Variants in TET3 observed in about 807,000 individuals in gnomAD.
TET3 encodes methylcytosine dioxygenase TET3.
Under a neutral mutation model 141.4 loss-of-function variants are expected in TET3, and 19 were observed. The ratio of observed to expected loss-of-function variants is 0.13; its 90% CI spans 0.09 to 0.20. The LOEUF is 0.20. Ranked by LOEUF, TET3 falls within the 10% of genes least tolerant of loss-of-function variation. The pLI is 1.00. For synonymous variants in TET3, 1,043 were observed against 980.9 expected (o/e 1.06, Z -1.18); for missense variants, 1,874 against 2,356.9 (o/e 0.80, Z 4.24).
intron 3 of TET3, among the ~76,000 whole-genome samples, chr2:74,017,609 A>G (rs2105224729): frequency 6.6e-6 from 1 of 152,200 alleles, no homozygotes; most frequent in South Asian, 2.1e-4. Context: ...GTATTCCATT[A>G]TGTGCACGTA....
At chr2:74,073,376 A>C (rs1223251730) in intron 4 of TET3, among the ~76,000 whole-genome samples, 173 bp from the exon 5 acceptor site, 1 of 152,076 alleles carries the variant, frequency 6.6e-6, no homozygotes, top group Non-Finnish European at 1.5e-5. Flanking sequence ...TTGTGATTTT[A>C]ATTTGTATTT....
At chr2:74,079,827 C>A (rs1184606312) in intron 5 of TET3, among the ~76,000 whole-genome samples, 1 of 152,154 alleles carries the variant, frequency 6.6e-6, no homozygotes, top group Admixed American at 6.5e-5. Flanking sequence ...TAAGTCAGTT[C>A]AACTCCAGGG....
chr2:74,123,449 T>G, the TET3 span, among the ~76,000 whole-genome samples: 1 of 152,202 alleles, frequency 6.6e-6, no homozygotes, highest in African/African-American at 2.4e-5. Flanking sequence ...AAACCCTGTC[T>G]CTACTAAAAA....
At chr2:74,080,829 A>C (rs1689775044) in intron 6 of TET3, among the ~76,000 whole-genome samples, 1 of 152,142 alleles carries the variant, frequency 6.6e-6, no homozygotes, top group South Asian at 2.1e-4. Context: ...TCTTGTTTAA[A>C]TGCCAGTCCC....
intron 3 of TET3, among the ~76,000 whole-genome samples, chr2:74,031,503 G>A (rs548806842): frequency 3.3e-5 from 5 of 152,266 alleles, no homozygotes; most frequent in African/African-American, 7.2e-5. Flanking sequence ...GCTAATAAAC[G>A]AGTAGTGACT....
In TET3 at chr2:74,046,083, T is replaced by A. The variant is rs1687602575; in HGVS notation, c.361-195T>A. Among the ~76,000 whole-genome samples the A allele has an allele frequency of 6.6e-6, 1 of 152,170 alleles. No homozygotes were observed. The highest frequency in any genetic ancestry group is 1.5e-5 in the Non-Finnish European group (1 of 68,038). On this transcript the variant is annotated intron_variant, in intron 3 of 11. Transcript: ENST00000409262. The surrounding 1 kb of genome is among the most constrained non-coding windows in gnomAD (Gnocchi z 4.3). ...TTTAAAAATATCTTAAAGATCTTCT[T>A]TTTGTTTCTGCTGGTGAAGCTCCCT...
At chr2:74,073,713 T>C in intron 5 of TET3, 74 bp downstream of exon 5, 1 of 1,289,500 alleles carries the variant, frequency 7.8e-7, no homozygotes, top group East Asian at 2.6e-5. Context: ...CGCCTCTCAT[T>C]TTTCTTTGCC....
In TET3 at chr2:74,101,594, G is replaced by A. The variant is rs1306151124; in HGVS notation, c.4806G>A (p.Leu1602=). The A allele has an allele frequency of 6.2e-7, 1 of 1,610,646 alleles. No homozygotes were observed. Among genetic ancestry groups the A allele is most frequent in the African/African-American group, 1.3e-5 (1 of 74,886 alleles). Residue 1602 remains leucine, a synonymous_variant, in exon 12 of 12, where the codon CTG becomes CTA. Coordinates refer to ENST00000409262, the MANE Select transcript of TET3 (RefSeq NM_001287491.2). The surrounding 1 kb of genome is among the most constrained non-coding windows in gnomAD (Gnocchi z 8.5). ...LFGALKSEEK[L]WDPFSLEEGP... ...GGGCTCTGAAGTCAGAGGAGAAGCT[G>A]TGGGACCCCTTCAGCCTGGAGGAGG...
At chr2:74,114,839 G>A in the TET3 span, among the ~76,000 whole-genome samples, 1 of 59,270 alleles carries the variant, frequency 1.7e-5, no homozygotes, top group Non-Finnish European at 2.9e-5. Context: ...GGGTGACAGA[G>A]AGAGACTCTG....
intron 3 of TET3, among the ~76,000 whole-genome samples, chr2:74,026,402 G>A (rs1686360746): frequency 6.6e-6 from 1 of 152,170 alleles, no homozygotes; most frequent in South Asian, 2.1e-4. Flanking sequence ...AGTGGCCGGG[G>A]ATTGTTAATC....
intron 3 of TET3, among the ~76,000 whole-genome samples, chr2:74,020,710 A>T (rs1452864091): frequency 6.6e-6 from 1 of 152,222 alleles, no homozygotes; most frequent in Non-Finnish European, 1.5e-5. Context: ...CAAGGGCTTG[A>T]GGGCTATGCC....
In TET3 at chr2:74,047,409, T is replaced by A. The variant is rs758015749; in HGVS notation, c.1492T>A (p.Ser498Thr). The A allele has an allele frequency of 5.0e-6, 8 of 1,612,776 alleles. No individual in the cohort carries two copies. Among genetic ancestry groups the A allele is most frequent in the Non-Finnish European group, 6.8e-6 (8 of 1,179,718 alleles). The change falls in exon 4 of 12, where the codon TCC becomes ACC. Residue 498 changes from serine to threonine, a missense_variant. Transcript: ENST00000409262. Reference sequence around the variant, plus strand: ...GGTCAAGGTGGAGGCACCCTCTTCCTCCCCGGCCCCGGCCCCATCCCCTGT... The same window carrying A: ...GGTCAAGGTGGAGGCACCCTCTTCCACCCCGGCCCCGGCCCCATCCCCTGT... ...PKVKVEAPSS[S>T]PAPAPSPVLQ... is the part of the protein sequence containing the mutation.
chr2:74,014,288 C>G (rs1369930470), intron 3 of TET3, among the ~76,000 whole-genome samples: 1 of 152,174 alleles, frequency 6.6e-6, no homozygotes. Context: ...CCAAGTTCCA[C>G]TGTGGCCTAA....
At chr2:74,039,175 C>T (rs751949255) in intron 3 of TET3, among the ~76,000 whole-genome samples, 1 of 152,182 alleles carries the variant, frequency 6.6e-6, no homozygotes, top group African/African-American at 2.4e-5. Context: ...CCTGCCTTTG[C>T]GATCAAGATA....
At chr2:74,059,826 T>C (rs1390959292) in intron 4 of TET3, among the ~76,000 whole-genome samples, 2 of 152,216 alleles carry the variant, frequency 1.3e-5, no homozygotes, top group Non-Finnish European at 2.9e-5. Context: ...CCTGGCCCTG[T>C]GTTATCTGTA....
At chr2:74,128,028 G>T in the TET3 span, among the ~76,000 whole-genome samples, 1 of 152,198 alleles carries the variant, frequency 6.6e-6, no homozygotes, top group South Asian at 2.1e-4. Context: ...TAAAGTTTTA[G>T]AGATATATTT....
intron 4 of TET3, among the ~76,000 whole-genome samples, chr2:74,066,943 G>A (rs551914187): frequency 8.5e-5 from 13 of 152,240 alleles, no homozygotes; most frequent in African/African-American, 3.1e-4. Flanking sequence ...TTGTTACTTT[G>A]AATTTTCTCC....
chr2:74,082,554 A>G (rs146710173), intron 6 of TET3, among the ~76,000 whole-genome samples: 4 of 150,364 alleles, frequency 2.7e-5, no homozygotes, highest in African/African-American at 7.5e-5. Context: ...GTGAAGAGAA[A>G]AGGAGAGGAA....
rs756664867 is a variant in TET3, at chr2:74,047,623, G to A, written c.1706G>A (p.Arg569Gln). The change falls in exon 4 of 12, where the codon CGG (arginine) becomes CAG (glutamine). Residue 569 changes from arginine to glutamine, a missense_variant. By Grantham distance (43) the Arg-to-Gln change is conservative (BLOSUM62 1). This residue lies in a region of TET3 where 484 missense variants were observed against 462.2 expected (regional missense o/e 1.05). Transcript: ENST00000409262. ...WWPPPSSPVP[R>Q]LPDRPPKEKK... Reference sequence around the variant, plus strand: ...CCCCCACCAAGTTCACCTGTCCCACGGCTTCCAGACAGACCACCCAAGGAG... The same window carrying A: ...CCCCCACCAAGTTCACCTGTCCCACAGCTTCCAGACAGACCACCCAAGGAG... 4.5e-5 allele frequency: 73 copies of A among 1,613,622 alleles called. No homozygotes were observed. The South Asian group carries it at 4.6e-4, about 10-fold the overall frequency.
Sources: gnomAD v4.1 joint callset for allele counts (sites outside exome capture counted in the v4.1 genomes callset) on GRCh38, gnomAD v4.1.1 for gene constraint, gnomAD v4.1.1 regional missense constraint, Gnocchi (gnomAD v3.1) non-coding constraint, MANE v1.5 for transcripts, NCBI Gene and HGNC (gene_info 2026-07-23, HGNC 2026-07-21) for gene names.